Variants in FBXL17 observed in about 807,000 individuals in gnomAD.
FBXL17 encodes F-box/LRR-repeat protein 17.
Under a neutral mutation model 66.2 loss-of-function variants are expected in FBXL17, and 22 were observed. The ratio of observed to expected loss-of-function variants is 0.33; its 90% CI spans 0.24 to 0.47. The LOEUF (loss-of-function observed/expected upper bound fraction) is 0.47. Among genes scored for constraint, FBXL17 ranks in the 20% least tolerant of loss-of-function variants. The probability of loss-of-function intolerance (pLI) is 1.00; values close to 1 mark genes in which losing one functional copy is unlikely to be tolerated. For missense variants in FBXL17, 878 were observed against 948.2 expected (o/e 0.93, Z 0.97); for synonymous variants, 474 against 400.5 (o/e 1.18, Z -2.19).
chr5:108,206,527 C>A (rs1271955175), intron 5 of FBXL17, among the ~76,000 whole-genome samples: 2 of 152,178 alleles, frequency 1.3e-5, no homozygotes, highest in Non-Finnish European at 2.9e-5. Context: ...TGTACTCCTT[C>A]CTTTTTGTTC....
chr5:107,935,096 G>C (rs1327334913), intron 7 of FBXL17, among the ~76,000 whole-genome samples: 1 of 151,816 alleles, frequency 6.6e-6, no homozygotes, highest in East Asian at 1.9e-4. Flanking sequence ...ACACACATAA[G>C]ATATTGTTTA....
At chr5:108,325,537 C>A (rs913372920) in intron 4 of FBXL17, among the ~76,000 whole-genome samples, 5 of 151,584 alleles carry the variant, frequency 3.3e-5, no homozygotes, top group African/African-American at 1.2e-4. Context: ...AAAGTATAAA[C>A]AAAGGTAGAA....
At chr5:107,947,048 G>A (rs532322433) in intron 7 of FBXL17, among the ~76,000 whole-genome samples, 2 of 152,208 alleles carry the variant, frequency 1.3e-5, no homozygotes, top group South Asian at 4.1e-4. Flanking sequence ...CTCCTCTATT[G>A]TGAAAGATGT....
At chr5:107,913,150 T>A (rs1320805880) in intron 7 of FBXL17, among the ~76,000 whole-genome samples, 1 of 152,026 alleles carries the variant, frequency 6.6e-6, no homozygotes, top group Non-Finnish European at 1.5e-5. Flanking sequence ...TTTAGGAGAA[T>A]ATATGAGTTC....
intron 4 of FBXL17, among the ~76,000 whole-genome samples, chr5:108,312,789 A>AT (rs1237905039): frequency 1.3e-5 from 2 of 152,122 alleles, no homozygotes; most frequent in Non-Finnish European, 2.9e-5. Flanking sequence ...ACAAATGTAT[A>AT]TATTTCTTCC....
intron 7 of FBXL17, among the ~76,000 whole-genome samples, chr5:107,913,703 T>C (rs1750029186): frequency 6.6e-6 from 1 of 152,092 alleles, no homozygotes; most frequent in East Asian, 1.9e-4. Context: ...CTCTGTAACA[T>C]CTAAGAACAG....
intron 1 of FBXL17, among the ~76,000 whole-genome samples, chr5:108,375,352 G>A (rs1182036281): frequency 7.9e-6 from 1 of 126,356 alleles, no homozygotes; most frequent in Non-Finnish European, 1.7e-5. Context: ...CTCAAGCCTG[G>A]GTGACAGAGA....
chr5:108,235,431 C>T (rs1755557422), intron 4 of FBXL17, among the ~76,000 whole-genome samples: 1 of 152,136 alleles, frequency 6.6e-6, no homozygotes, highest in African/African-American at 2.4e-5. Context: ...TATCTCTTTG[C>T]CCATTTCTAC....
chr5:107,876,123 A>C (rs1748607606), intron 8 of FBXL17, among the ~76,000 whole-genome samples: 1 of 150,732 alleles, frequency 6.6e-6, no homozygotes, highest in South Asian at 2.1e-4. Context: ...AGAAGAAAAA[A>C]CCTCCCAGGA....
At chr5:107,936,146 T>C (rs1266837928) in intron 7 of FBXL17, among the ~76,000 whole-genome samples, 1 of 83,650 alleles carries the variant, frequency 1.2e-5, no homozygotes, top group Non-Finnish European at 2.4e-5. Flanking sequence ...TTTTCTAAAG[T>C]TGTATTGATA....
intron 4 of FBXL17, among the ~76,000 whole-genome samples, chr5:108,335,592 G>A (rs1464798909): frequency 6.6e-6 from 1 of 152,000 alleles, no homozygotes; most frequent in African/African-American, 2.4e-5. Context: ...TAACAGAAAG[G>A]GGGAAGGTAC....
At chr5:108,142,746 C>A (rs564231668) in intron 6 of FBXL17, among the ~76,000 whole-genome samples, 1 of 152,076 alleles carries the variant, frequency 6.6e-6, no homozygotes, top group East Asian at 1.9e-4. Context: ...TATTAGGAAC[C>A]AGGCTACTCA....
intron 7 of FBXL17, among the ~76,000 whole-genome samples, chr5:108,009,602 C>T (rs1276796142): frequency 6.6e-6 from 1 of 151,618 alleles, no homozygotes; most frequent in African/African-American, 2.4e-5. Flanking sequence ...CAGATAAACC[C>T]AAGGAAAGAA....
intron 4 of FBXL17, among the ~76,000 whole-genome samples, chr5:108,345,425 T>G (rs1747209504): frequency 6.6e-6 from 1 of 151,776 alleles, no homozygotes; most frequent in Non-Finnish European, 1.5e-5. Context: ...ATCATTGTCC[T>G]CACTTTCCAC....
chr5:108,158,065 G>T (rs73778671), intron 6 of FBXL17, among the ~76,000 whole-genome samples: 6,531 of 152,066 alleles, frequency 0.043, 463 homozygotes, highest in African/African-American at 0.15. Context: ...GGAAATAAAA[G>T]GTAAAAATCC....
At chr5:107,885,672 T>A (rs188225846) in intron 7 of FBXL17, among the ~76,000 whole-genome samples, 1 of 152,298 alleles carries the variant, frequency 6.6e-6, no homozygotes, top group Non-Finnish European at 1.5e-5. Context: ...AAAGAGTTTA[T>A]ATGATGTGCT....
intron 7 of FBXL17, among the ~76,000 whole-genome samples, chr5:107,929,725 A>G (rs192652355): frequency 1.6e-4 from 24 of 151,832 alleles, no homozygotes; most frequent in African/African-American, 5.8e-4. Context: ...GGGAGGAATC[A>G]AAGACAGAAA....
At chr5:108,022,484 T>A (rs1754640338) in intron 6 of FBXL17, among the ~76,000 whole-genome samples, 1 of 146,502 alleles carries the variant, frequency 6.8e-6, no homozygotes, top group African/African-American at 2.4e-5. Context: ...TCCTAAATCA[T>A]TAAAAAATAA....
At chr5:108,321,274 CTG>C (rs1237005182) in intron 4 of FBXL17, among the ~76,000 whole-genome samples, 2 of 151,706 alleles carry the variant, frequency 1.3e-5, no homozygotes, top group Admixed American at 1.3e-4. Context: ...TTGGAAGAAA[CTG>C]AGTATCAAAG....
Sources: allele counts gnomAD v4.1 joint callset (sites outside exome capture counted in the v4.1 genomes callset), GRCh38; gene constraint gnomAD v4.1.1; transcripts MANE v1.5; gene names NCBI Gene and HGNC (gene_info 2026-07-23, HGNC 2026-07-21).